SEC14L5: variants seen among roughly 807,000 people sequenced by gnomAD.
The protein encoded by SEC14L5 is SEC14 like lipid binding 5.
SEC14L5 carries 96 observed loss-of-function variants against 84.6 expected under a neutral mutation model. That is an observed-to-expected ratio of 1.13 (90% CI 0.96 to 1.34). The LOEUF (loss-of-function observed/expected upper bound fraction) is 1.34. Ranked by LOEUF, SEC14L5 falls within the 40% of genes most tolerant of loss-of-function variation. The pLI is 0.00. For synonymous variants in SEC14L5, 546 were observed against 383.4 expected (o/e 1.42, Z -4.95); for missense variants, 1,224 against 942.5 (o/e 1.30, Z -3.91).
At position 4,988,158 on chromosome 16, in the gene SEC14L5, G is replaced by A. The variant is rs373787172; in HGVS notation, c.223G>A (p.Val75Ile). The A allele has an allele frequency of 1.2e-6, 2 of 1,613,328 alleles. No homozygotes were observed. Among genetic ancestry groups the A allele is most frequent in the African/African-American group, 1.3e-5 (1 of 74,902 alleles). Residue 75 changes from valine (V) to isoleucine (I), a missense_variant, in exon 4 of 16, where the codon GTT (valine) becomes ATT (isoleucine). Coordinates refer to ENST00000251170, the MANE Select transcript of SEC14L5 (RefSeq NM_014692.2). The part of the protein sequence containing the change: ...APRLLRKIAG[V>I]EHVVFVQTNI... ...GCCCCTTCCCTTGCAGATCGCAGGTGTTGAGCACGTGGTCTTCGTGCAGAC... is the reference window on the plus strand; with the variant it reads ...GCCCCTTCCCTTGCAGATCGCAGGTATTGAGCACGTGGTCTTCGTGCAGAC...
chr16:4,965,926 C>A lies in SEC14L5; in HGVS notation c.63+6540C>A, dbSNP rs186693990. 4.0e-3 allele frequency among the ~76,000 whole-genome samples: 608 copies of A among 151,992 alleles called. 2 individuals carry two copies. Among genetic ancestry groups the A allele is most frequent in the African/African-American group, 0.014 (584 of 41,438 alleles). On this transcript the variant is annotated intron_variant, in intron 2 of 15. Coordinates refer to ENST00000251170, the MANE Select transcript of SEC14L5 (RefSeq NM_014692.2). ...GTGTGATGGTTTACACCTGCAGTCC[C>A]AGCTACTTGGGAAACTGAGGCAGGA...
Position 4,990,801 on chromosome 16 carries a change from A to G in SEC14L5, c.380A>G (p.Glu127Gly). Residue 127 changes from glutamate to glycine, a missense_variant, in exon 5 of 16, where the codon GAG (glutamate) becomes GGG (glycine). Coordinates refer to ENST00000251170, the MANE Select transcript of SEC14L5 (RefSeq NM_014692.2). ...HPENEDWTCF[E>G]QSASLDIRSF... ...GAGAATGAAGACTGGACTTGCTTCGAGCAGTCTGCCTCACTGGACATTCGG... is the reference window on the plus strand; with the variant it reads ...GAGAATGAAGACTGGACTTGCTTCGGGCAGTCTGCCTCACTGGACATTCGG... The G allele has an allele frequency of 6.2e-7, 1 of 1,611,982 alleles. No individual in the cohort carries two copies. The highest frequency in any genetic ancestry group is 8.5e-7 in the Non-Finnish European group (1 of 1,178,900).
Position 5,015,174 on chromosome 16 carries a change from A to G in SEC14L5, c.*204A>G. 1.7e-6 allele frequency: 1 copy of G among 579,934 alleles called. No homozygotes were observed. The highest frequency in any genetic ancestry group is 3.1e-6 in the Non-Finnish European group (1 of 326,442). The allele number at this position is 579,934 out of a possible 1,614,324, so 35.9% of individuals were successfully genotyped here. A position where few individuals can be genotyped will look rare whatever the true frequency, so the allele number is the denominator to read the frequency against. ...TCAGGGCTCTTGAAATTGCAAGGAC[A>G]GAACCATCTCCTTCCGGCTTCGTGT... On this transcript the variant is annotated 3_prime_UTR_variant, in exon 16 of 16. Transcript: ENST00000251170.
Position 5,011,110 on chromosome 16 carries a change from C to A in SEC14L5, c.1816C>A (p.Arg606=). 1 of 1,603,642 alleles carries A rather than the reference C, an allele frequency of 6.2e-7. No individual in the cohort carries two copies. The highest frequency in any genetic ancestry group is 1.1e-5 in the South Asian group (1 of 89,382). Residue 606 remains arginine, a synonymous_variant, in exon 15 of 16, where the codon CGG becomes AGG. Coordinates refer to ENST00000251170, the MANE Select transcript of SEC14L5 (RefSeq NM_014692.2). ...TGTGTTTCAGGGCTCCCATGTGACC[C>A]GGTGGCCCGGCGTCTACCTGCTCCA... ...GESIQGSHVT[R]WPGVYLLQWQ...
At chr16:4,976,561 A>G (rs1163837161) in intron 2 of SEC14L5, among the ~76,000 whole-genome samples, 3 of 152,196 alleles carry the variant, frequency 2.0e-5, no homozygotes, top group Non-Finnish European at 4.4e-5. Flanking sequence ...CCAGCCTGGA[A>G]TTGGGCAAGT....
chr16:4,977,533 C>A lies in SEC14L5; in HGVS notation c.64-10024C>A, dbSNP rs527667647. ...AAATGAACACATGCTGAATTAAATG[C>A]CTACCAAGGGCAACTTCATGCCAGG... On this transcript the variant is annotated intron_variant, in intron 2 of 15. Transcript: ENST00000251170. Among the ~76,000 whole-genome samples the A allele has an allele frequency of 2.0e-5, 3 of 148,780 alleles. No individual in the cohort carries two copies. In the South Asian group the frequency reaches 6.4e-4, roughly 32 times the overall value.
At chr16:4,960,391 G>A (rs1369636843) in intron 2 of SEC14L5, among the ~76,000 whole-genome samples, 2 of 152,076 alleles carry the variant, frequency 1.3e-5, no homozygotes, top group Non-Finnish European at 2.9e-5. Context: ...ACCCCCATCT[G>A]TCCCACCCCA....
At chr16:4,967,897 C>A (rs943667314) in intron 2 of SEC14L5, among the ~76,000 whole-genome samples, 1 of 150,870 alleles carries the variant, frequency 6.6e-6, no homozygotes, top group Non-Finnish European at 1.5e-5. Context: ...GTGACCACAC[C>A]TGGCCTCCTT....
intron 2 of SEC14L5, among the ~76,000 whole-genome samples, chr16:4,972,493 C>G (rs1955291902): frequency 6.6e-6 from 1 of 152,212 alleles, no homozygotes; most frequent in South Asian, 2.1e-4. Context: ...TCTCCACTCC[C>G]TGCTCCCCAC....
In SEC14L5 at chr16:5,017,179, C is replaced by T. The variant is rs112934786; in HGVS notation, c.*2209C>T. The T allele has an allele frequency of 3.1e-4, 7 of 22,408 alleles. No individual in the cohort carries two copies. The highest frequency in any genetic ancestry group is 1.1e-3 in the South Asian group (1 of 922). The allele number at this position is 22,408 out of a possible 1,614,324, so 1.4% of individuals were successfully genotyped here. Reference sequence around the variant, plus strand: ...AAGCTGGAACTGCCTGTTCCAGAGGCGGGTGGGGGGAGGGGAGTCTGCTAT... The same window carrying T: ...AAGCTGGAACTGCCTGTTCCAGAGGTGGGTGGGGGGAGGGGAGTCTGCTAT... On this transcript the variant is annotated 3_prime_UTR_variant, in exon 16 of 16. Coordinates refer to ENST00000251170, the MANE Select transcript of SEC14L5 (RefSeq NM_014692.2).
intron 13 of SEC14L5, 43 bp downstream of exon 13, chr16:5,007,529 C>T (rs1168334508): frequency 2.5e-6 from 4 of 1,598,214 alleles, no homozygotes; most frequent in Non-Finnish European, 3.4e-6. Context: ...GCTGGAGTGT[C>T]TGTCGTCTTA....
At position 5,003,545 on chromosome 16, in the gene SEC14L5, C is replaced by G; in HGVS notation, c.1274C>G (p.Pro425Arg). The G allele has an allele frequency of 6.4e-7, 1 of 1,574,234 alleles. No individual in the cohort carries two copies. The highest frequency in any genetic ancestry group is 1.4e-5 in the African/African-American group (1 of 73,292). Residue 425 changes from proline to arginine, a missense_variant, in exon 11 of 16, where the codon CCC (proline) becomes CGC (arginine). Transcript: ENST00000251170. ...TLGRLLIVRA[P>R]RVFPVLWTLI... The stretch of plus-strand genomic sequence containing the variant: ...GGTCGGCTGCTCATCGTGCGAGCCC[C>G]CCGAGTCTTCCCCGTGCTCTGGACA...
intron 2 of SEC14L5, among the ~76,000 whole-genome samples, chr16:4,962,920 A>C (rs766996726): frequency 7.9e-5 from 12 of 152,190 alleles, no homozygotes; most frequent in Non-Finnish European, 1.2e-4. Flanking sequence ...ACACTGTGGA[A>C]GCACAAAAGG....
At chr16:5,008,839 C>T (rs779834590) in intron 14 of SEC14L5, among the ~76,000 whole-genome samples, 191 bp downstream of exon 14, 2 of 152,296 alleles carry the variant, frequency 1.3e-5, no homozygotes, top group East Asian at 1.9e-4. Flanking sequence ...CAATGGCAGC[C>T]GGTGCAAAAT....
chr16:5,011,734 A>G (rs1955807235), intron 15 of SEC14L5, among the ~76,000 whole-genome samples: 1 of 152,128 alleles, frequency 6.6e-6, no homozygotes, highest in East Asian at 1.9e-4. Flanking sequence ...CCTCGGGCAA[A>G]TCACTTTTCC....
intron 10 of SEC14L5, among the ~76,000 whole-genome samples, chr16:5,003,015 A>C (rs564169203): frequency 7.2e-5 from 11 of 152,218 alleles, no homozygotes; most frequent in Admixed American, 7.2e-4. Flanking sequence ...GCTAGGCCTA[A>C]ATGGCCACTT....
intron 2 of SEC14L5, among the ~76,000 whole-genome samples, chr16:4,961,578 C>T (rs1425259686): frequency 2.0e-5 from 3 of 152,206 alleles, no homozygotes; most frequent in South Asian, 4.1e-4. Flanking sequence ...ATCCACTAGC[C>T]TCGGCCTCCC....
intron 4 of SEC14L5, 37 bp downstream of exon 4, chr16:4,988,317 C>T (rs756509971): frequency 6.2e-7 from 1 of 1,603,768 alleles, no homozygotes; most frequent in Non-Finnish European, 8.5e-7. Flanking sequence ...ACGCCCGGCA[C>T]CCACCTGCGC....
At chr16:4,999,498 T>A (rs1955652332) in intron 8 of SEC14L5, among the ~76,000 whole-genome samples, 1 of 151,988 alleles carries the variant, frequency 6.6e-6, no homozygotes, top group Non-Finnish European at 1.5e-5. Flanking sequence ...TGCATGCCTG[T>A]GGTCCCAGCT....
Sources: allele counts gnomAD v4.1 joint callset (sites outside exome capture counted in the v4.1 genomes callset), GRCh38; gene constraint gnomAD v4.1.1; transcripts MANE v1.5; gene names NCBI Gene and HGNC (gene_info 2026-07-23, HGNC 2026-07-21).